The following MYSM1 variants were observed in gnomAD, a reference collection of about 807,000 sequenced individuals.
The protein encoded by MYSM1 is Myb like, SWIRM and MPN domains 1, also known as deubiquitinase MYSM1.
Under a neutral mutation model 116.0 loss-of-function variants are expected in MYSM1, and 51 were observed. The observed-to-expected ratio is 0.44, with a 90% CI of 0.35 to 0.56. The LOEUF is 0.56. Among genes scored for constraint, MYSM1 ranks in the 20% least tolerant of loss-of-function variants. The pLI, the probability that MYSM1 is intolerant of heterozygous loss-of-function variation, is 0.00. For missense variants in MYSM1, 900 were observed against 974.9 expected (o/e 0.92, Z 1.02); for synonymous variants, 313 against 315.2 (o/e 0.99, Z 0.07).
intron 1 of MYSM1, among the ~76,000 whole-genome samples, 190 bp from the exon 2 acceptor site, chr1:58,695,397 G>A (rs1296128964): frequency 6.6e-6 from 1 of 152,150 alleles, no homozygotes; most frequent in East Asian, 1.9e-4. Context: ...ACACGTGGTA[G>A]TGCTAAGCTA....
intron 7 of MYSM1, 58 bp downstream of exon 7, chr1:58,685,095 C>T (rs1644808195): frequency 3.1e-5 from 42 of 1,369,310 alleles, no homozygotes; most frequent in Non-Finnish European, 4.2e-5. Context: ...AGAAATACTT[C>T]TGCTTAGTTT....
intron 1 of MYSM1, among the ~76,000 whole-genome samples, chr1:58,698,407 T>C (rs1569819714): frequency 6.6e-6 from 1 of 151,926 alleles, no homozygotes; most frequent in East Asian, 1.9e-4. Flanking sequence ...GCCCAGAATA[T>C]AATATTAATG....
Position 58,689,082 on chromosome 1 carries a change from C to G in MYSM1, c.355G>C (p.Val119Leu). 1 of 1,611,618 alleles carries G rather than the reference C, an allele frequency of 6.2e-7. No homozygotes were observed. Among genetic ancestry groups the G allele is most frequent in the Non-Finnish European group, 8.5e-7 (1 of 1,179,504 alleles). The change falls in exon 6 of 20, where the codon GTA (valine) becomes CTA (leucine). Residue 119 changes from valine (V) to leucine (L), a missense_variant. Transcript: ENST00000472487. ...HSPTKPASYS[V>L]KWTIEEKELF... ...TCTTTTTCTTCTATCGTCCACTTTA[C>G]TGAGTAACTGGCTGGTTTTGTAGGA...
At chr1:58,680,226 G>A (rs983757131) in intron 8 of MYSM1, among the ~76,000 whole-genome samples, 1 of 152,140 alleles carries the variant, frequency 6.6e-6, no homozygotes, top group African/African-American at 2.4e-5. Flanking sequence ...GAATAAAAGA[G>A]TGATTTACAG....
In MYSM1 at chr1:58,670,542, CATG is replaced by C. The variant is rs373387246; in HGVS notation, c.1661+1325_1661+1327del. The stretch of plus-strand genomic sequence containing the variant: ...GTAAAATAATGAGTTCATGAAAAGT[CATG>C]ATAAGTAGACCTTATTGTAGACACT... On this transcript the variant is annotated intron_variant, in intron 12 of 19. Transcript: ENST00000472487. 5.2e-4 allele frequency among the ~76,000 whole-genome samples: 79 copies of C among 152,230 alleles called. 2 individuals are homozygous for C. In the South Asian group the frequency reaches 0.015, roughly 29 times the overall value.
At chr1:58,675,633 G>T in intron 9 of MYSM1, 53 bp from the exon 10 acceptor site, 1 of 1,397,656 alleles carries the variant, frequency 7.2e-7, no homozygotes, top group Non-Finnish European at 1.0e-6. Context: ...AAACTCATTT[G>T]TTAAACAGTA....
rs139217354 is a variant in MYSM1, at chr1:58,663,693, A to G, written c.2164+1806T>C. Among the ~76,000 whole-genome samples, 1,347 of 152,284 alleles carry G rather than the reference A, an allele frequency of 8.8e-3. 22 individuals are homozygous for G. Among genetic ancestry groups the G allele is most frequent in the Admixed American group, 0.032 (497 of 15,298 alleles). On this transcript the variant is annotated intron_variant, in intron 17 of 19. Transcript: ENST00000472487. ...CATCTGGGCTAGTTTATTCACATAC[A>G]TGTGCTGATCTGTACTTTGCTAAAT...
intron 12 of MYSM1, among the ~76,000 whole-genome samples, chr1:58,670,437 A>G (rs944205483): frequency 5.3e-5 from 8 of 152,210 alleles, no homozygotes; most frequent in Non-Finnish European, 8.8e-5. Context: ...GAGGAACTAG[A>G]TGTTGAACAG....
chr1:58,674,118 C>T (rs1316179279), intron 10 of MYSM1, among the ~76,000 whole-genome samples: 1 of 152,074 alleles, frequency 6.6e-6, no homozygotes, highest in Non-Finnish European at 1.5e-5. Flanking sequence ...CAACCTCCCA[C>T]CTCCCGGTTC....
intron 17 of MYSM1, among the ~76,000 whole-genome samples, chr1:58,664,933 C>T (rs879187115): frequency 3.3e-5 from 5 of 152,172 alleles, no homozygotes; most frequent in Admixed American, 3.3e-4. Context: ...TCCTAGTCTG[C>T]TATACTAACT....
intron 5 of MYSM1, among the ~76,000 whole-genome samples, chr1:58,689,947 T>A (rs1036656120): frequency 3.3e-5 from 5 of 152,164 alleles, no homozygotes; most frequent in Non-Finnish European, 7.3e-5. Context: ...ATATATCACA[T>A]AACAGCTTCT....
chr1:58,663,287 AT>A (rs1341333999), intron 17 of MYSM1, among the ~76,000 whole-genome samples: 1 of 149,860 alleles, frequency 6.7e-6, no homozygotes, highest in Non-Finnish European at 1.5e-5. Context: ...TTTTAAGAAT[AT>A]TTTTTAAGTT....
intron 1 of MYSM1, among the ~76,000 whole-genome samples, chr1:58,698,869 G>C (rs1355033749): frequency 6.6e-6 from 1 of 152,150 alleles, no homozygotes; most frequent in Non-Finnish European, 1.5e-5. Flanking sequence ...GGGCTTTAGA[G>C]TTCATGATAC....
Position 58,675,465 on chromosome 1 carries a change from A to AT in MYSM1, c.1494+11dup, listed in dbSNP as rs752565440. ...CAATGTGGAGAGATCACTGAGAGAG[A>AT]TGACTGCTTACCATAGACTGCAGAC... On this transcript the variant is annotated intron_variant, in intron 10 of 19. Coordinates refer to ENST00000472487, the MANE Select transcript of MYSM1 (RefSeq NM_001085487.3). 6.3e-6 allele frequency: 10 copies of AT among 1,590,728 alleles called. No homozygotes were observed. The South Asian group carries it at 1.1e-4, about 18-fold the overall frequency.
chr1:58,678,170 TTAGA>T (rs1644682346), intron 8 of MYSM1, among the ~76,000 whole-genome samples: 1 of 151,984 alleles, frequency 6.6e-6, no homozygotes, highest in Non-Finnish European at 1.5e-5. Context: ...ATAGACTACT[TTAGA>T]TAGATAGGGT....
At chr1:58,664,952 G>A (rs1345613389) in intron 17 of MYSM1, among the ~76,000 whole-genome samples, 2 of 152,100 alleles carry the variant, frequency 1.3e-5, no homozygotes, top group Non-Finnish European at 2.9e-5. Context: ...CTCCCTATCC[G>A]CCCAGAAATG....
rs1261479333 is a variant in MYSM1 at position 58,690,149 on chromosome 1, C to T, written c.320+77G>A. 4.0e-6 allele frequency: 5 copies of T among 1,256,088 alleles called. No homozygotes were observed. The Admixed American group carries it at 1.2e-4, about 30-fold the overall frequency. 77.8% of individuals were successfully genotyped at this position (1,256,088 alleles called of 1,614,324 possible). The stretch of plus-strand genomic sequence containing the variant: ...TCAAGAGGGCTTTTCCACAGGCCAA[C>T]TATAATTAAAAAAAAATTATTCCAT... On this transcript the variant is annotated intron_variant, in intron 5 of 19. Transcript: ENST00000472487.
Position 58,660,071 on chromosome 1 carries a change from A to G in MYSM1, c.2413T>C (p.Phe805Leu). 1 of 1,611,328 alleles carries G rather than the reference A, an allele frequency of 6.2e-7. No homozygotes were observed. Among genetic ancestry groups the G allele is most frequent in the Non-Finnish European group, 8.5e-7 (1 of 1,178,312 alleles). Residue 805 changes from phenylalanine (F) to leucine (L), a missense_variant, in exon 20 of 20, where the codon TTC becomes CTC. By Grantham distance (22) the Phe-to-Leu change is conservative. Around this residue, in one of 3 missense-constraint regions of MYSM1, gnomAD observed 186 missense variants for 196.2 expected, o/e 0.95. Transcript: ENST00000472487. ...TGGTTGCTTTTATAATTGGAAAGGA[A>G]CAAATTTTCTATTTCAGTCAAGAAT... ...EEFLTEIENL[F>L]LSNYKSNQEN...
In MYSM1 at chr1:58,682,541, T is replaced by C. The variant is rs1644761793; in HGVS notation, c.503A>G (p.Lys168Arg). 1.3e-6 allele frequency: 2 copies of C among 1,567,816 alleles called. No homozygotes were observed. The highest frequency in any genetic ancestry group is 2.4e-5 in the South Asian group (2 of 84,004). Residue 168 changes from lysine (K) to arginine (R), a missense_variant, in exon 8 of 20, where the codon AAA (lysine) becomes AGA (arginine). Physicochemically the swap from Lys to Arg is conservative, Grantham distance 26. This residue lies in a region of MYSM1 where 622 missense variants were observed against 623.7 expected (regional missense o/e 1.00). Coordinates refer to ENST00000472487, the MANE Select transcript of MYSM1 (RefSeq NM_001085487.3). ...TGGTGTTTCTTTATCCAGACCGCAT[T>C]TGACCTTATTAAAAATCAAAATAAA... ...YARQYFKNKVKCGLDKETPNQ... is the reference protein window; with the variant it reads ...YARQYFKNKVRCGLDKETPNQ...
Sources: gnomAD v4.1 joint callset for allele counts (sites outside exome capture counted in the v4.1 genomes callset) on GRCh38, gnomAD v4.1.1 for gene constraint, gnomAD v4.1.1 regional missense constraint, MANE v1.5 for transcripts, NCBI Gene and HGNC (gene_info 2026-07-23, HGNC 2026-07-21) for gene names.